The following VGLL4 variants were observed in gnomAD, a reference collection of about 807,000 sequenced individuals.
VGLL4 encodes the protein vestigial like family member 4.
In VGLL4, 7 loss-of-function variants were observed where a neutral mutation model predicts 21.0. The ratio of observed to expected loss-of-function variants is 0.33; its 90% CI spans 0.19 to 0.63. The LOEUF (loss-of-function observed/expected upper bound fraction) is 0.63. Ranked by LOEUF, VGLL4 falls within the 20% of genes least tolerant of loss-of-function variation. The pLI, the probability that VGLL4 is intolerant of heterozygous loss-of-function variation, is 0.78. For synonymous variants in VGLL4, 222 were observed against 173.2 expected, an observed-to-expected ratio of 1.28 and a Z score of -2.21; for missense variants, 394 against 425.7, an observed-to-expected ratio of 0.93 and a Z score of 0.66.
intron 2 of VGLL4, among the ~76,000 whole-genome samples, chr3:11,588,843 C>T (rs1445445754): frequency 2.6e-5 from 4 of 152,198 alleles, no homozygotes; most frequent in African/African-American, 9.6e-5. Flanking sequence ...ACATACAACA[C>T]CCAGTGAGAG....
chr3:11,619,730 C>G (rs1559904270), intron 1 of VGLL4, among the ~76,000 whole-genome samples: 1 of 152,146 alleles, frequency 6.6e-6, no homozygotes, highest in Non-Finnish European at 1.5e-5. Context: ...CCCATTCACC[C>G]CTGTACAGTG....
At chr3:11,631,173 A>G (rs979576907) in intron 1 of VGLL4, among the ~76,000 whole-genome samples, 1 of 152,244 alleles carries the variant, frequency 6.6e-6, no homozygotes, top group Non-Finnish European at 1.5e-5. Flanking sequence ...ATATAACTGC[A>G]GAAGCCAAAA....
chr3:11,638,034 T>C (rs1438687401), intron 1 of VGLL4, among the ~76,000 whole-genome samples: 1 of 152,206 alleles, frequency 6.6e-6, no homozygotes, highest in Non-Finnish European at 1.5e-5. Flanking sequence ...CGACTGTTTT[T>C]ATATATTTGT....
Position 11,683,879 on chromosome 3 carries a change from A to G in VGLL4, c.64+19092T>C, listed in dbSNP as rs137994061. Among the ~76,000 whole-genome samples the G allele has an allele frequency of 1.4e-3, 206 of 152,198 alleles. 4 individuals carry two copies. The highest frequency in any genetic ancestry group is 4.8e-3 in the African/African-American group (201 of 41,538). On this transcript the variant is annotated intron_variant, in intron 2 of 5. Transcript: ENST00000273038. ...AAAATTTTAAATCCTATATATTCTA[A>G]AGGTTTTACTTTTTAACTTCTGGAT...
At chr3:11,574,779 C>CTGTGTGTGTG (rs972259363) in intron 2 of VGLL4, among the ~76,000 whole-genome samples, 3 of 121,792 alleles carry the variant, frequency 2.5e-5, no homozygotes, top group African/African-American at 9.3e-5. Flanking sequence ...GTCAATTCAA[C>CTGTGTGTGTG]TATATATGTG....
At chr3:11,687,459 T>G (rs2076465965) in intron 2 of VGLL4, among the ~76,000 whole-genome samples, 1 of 152,144 alleles carries the variant, frequency 6.6e-6, no homozygotes, top group Non-Finnish European at 1.5e-5. Flanking sequence ...GATATGGGAA[T>G]GAGTTTTGTT....
chr3:11,646,316 G>C (rs1301171662), upstream of VGLL4, among the ~76,000 whole-genome samples: 1 of 152,128 alleles, frequency 6.6e-6, no homozygotes, highest in African/African-American at 2.4e-5. Flanking sequence ...GATAGTTTTG[G>C]AGTACTCTTA....
chr3:11,630,705 G>A (rs1220815097), intron 1 of VGLL4, among the ~76,000 whole-genome samples: 1 of 152,146 alleles, frequency 6.6e-6, no homozygotes, highest in Non-Finnish European at 1.5e-5. Flanking sequence ...CTTATACACT[G>A]CTGGTAGAAG....
At chr3:11,650,049 T>C (rs78011268) in intron 2 of VGLL4, among the ~76,000 whole-genome samples, 12,141 of 151,996 alleles carry the variant, frequency 0.08, 877 homozygotes, top group African/African-American at 0.17. Flanking sequence ...AAGTGATCCT[T>C]CCAACTCAGC....
chr3:11,663,822 C>A (rs2076070595), intron 2 of VGLL4, among the ~76,000 whole-genome samples: 1 of 152,156 alleles, frequency 6.6e-6, no homozygotes, highest in African/African-American at 2.4e-5. Flanking sequence ...ATCCTTGTTT[C>A]TGAAGTAAGC....
intron 1 of VGLL4, among the ~76,000 whole-genome samples, chr3:11,627,764 T>C (rs1407870585): frequency 1.3e-5 from 2 of 152,140 alleles, no homozygotes; most frequent in African/African-American, 4.8e-5. Context: ...AAATACAAAG[T>C]GATATAACTG....
At chr3:11,671,356 G>A (rs1370643737) in intron 2 of VGLL4, 5 of 1,188,526 alleles carry the variant, frequency 4.2e-6, no homozygotes, top group Non-Finnish European at 6.2e-6. Flanking sequence ...CCGCAGCGAG[G>A]ACTACGATTC....
chr3:11,561,157 C>A (rs2072959996), intron 3 of VGLL4, among the ~76,000 whole-genome samples: 1 of 152,158 alleles, frequency 6.6e-6, no homozygotes, highest in East Asian at 1.9e-4. Flanking sequence ...ATAAAACTCC[C>A]TTTTGTGCTC....
intron 3 of VGLL4, among the ~76,000 whole-genome samples, chr3:11,562,436 C>T (rs1417041917): frequency 6.6e-6 from 1 of 152,202 alleles, no homozygotes; most frequent in Non-Finnish European, 1.5e-5. Flanking sequence ...AGGGCTGCAG[C>T]ATGCGTCCTG....
upstream of VGLL4, among the ~76,000 whole-genome samples, chr3:11,646,582 A>G (rs867655550): frequency 6.6e-6 from 1 of 152,100 alleles, no homozygotes; most frequent in African/African-American, 2.4e-5. Flanking sequence ...CTGCCTTAAG[A>G]TATTTCATTT....
At chr3:11,638,420 C>T (rs1421056538) in intron 1 of VGLL4, among the ~76,000 whole-genome samples, 1 of 152,042 alleles carries the variant, frequency 6.6e-6, no homozygotes, top group Admixed American at 6.5e-5. Context: ...CCTTCCTTCA[C>T]AAACTGTAAT....
intron 2 of VGLL4, among the ~76,000 whole-genome samples, chr3:11,697,736 G>A (rs2076625038): frequency 6.6e-6 from 1 of 152,040 alleles, no homozygotes; most frequent in Admixed American, 6.6e-5. Context: ...CATACAAGAG[G>A]GCCATGTGTC....
At chr3:11,659,137 G>A (rs770809601) in intron 2 of VGLL4, among the ~76,000 whole-genome samples, 2 of 152,026 alleles carry the variant, frequency 1.3e-5, no homozygotes, top group African/African-American at 2.4e-5. Flanking sequence ...AGAGTGCCAC[G>A]TTAACGAAGA....
At position 11,719,816 on chromosome 3, in the gene VGLL4, G is replaced by C. The variant is rs1330704003; in HGVS notation, c.-14+578C>G. Reference sequence around the variant, plus strand: ...CCCTCCCCCGCCAGCTGCGCGCCCGGTGCCAGCTCGCACCTCCCGGGCCGA... The same window carrying C: ...CCCTCCCCCGCCAGCTGCGCGCCCGCTGCCAGCTCGCACCTCCCGGGCCGA... On this transcript the variant is annotated intron_variant, in intron 1 of 5. Transcript: ENST00000273038. The surrounding 1 kb of genome is among the most constrained non-coding windows in gnomAD (Gnocchi z 4.0). Among the ~76,000 whole-genome samples, 2 of 152,114 alleles carry C rather than the reference G, an allele frequency of 1.3e-5. No homozygotes were observed. Among genetic ancestry groups the C allele is most frequent in the Non-Finnish European group, 2.9e-5 (2 of 68,004 alleles).
Sources: allele counts gnomAD v4.1 joint callset (sites outside exome capture counted in the v4.1 genomes callset), GRCh38; gene constraint gnomAD v4.1.1; non-coding constraint Gnocchi (gnomAD v3.1); transcripts MANE v1.5; gene names NCBI Gene and HGNC (gene_info 2026-07-23, HGNC 2026-07-21).